The following PGAP6 variants were observed in gnomAD, a reference collection of about 807,000 sequenced individuals.
The protein encoded by PGAP6 is post-GPI attachment to proteins 6.
A neutral mutation model predicts 68.4 loss-of-function variants in PGAP6; 62 were observed. That is an observed-to-expected ratio of 0.91 (90% CI 0.74 to 1.12). The LOEUF (loss-of-function observed/expected upper bound fraction) is 1.12. Among genes scored for constraint, PGAP6 ranks in the 50% most tolerant of loss-of-function variants. The pLI, the probability that PGAP6 is intolerant of heterozygous loss-of-function variation, is 0.00. For missense variants in PGAP6, 1,188 were observed against 1,068.5 expected (o/e 1.11, Z -1.56); for synonymous variants, 575 against 474.0 (o/e 1.21, Z -2.77).
intron 1 of PGAP6, among the ~76,000 whole-genome samples, chr16:378,433 C>G (rs78603900): frequency 0.012 from 233 of 18,666 alleles, 5 homozygotes; most frequent in African/African-American, 0.023. Context: ...CACTGCCATC[C>G]CCACCCGCAC....
rs766826686 is a variant in PGAP6 at position 376,288 on chromosome 16, G to T, written c.1072C>A (p.Arg358=). Residue 358 remains arginine, a synonymous_variant, in exon 6 of 13, where the codon CGG becomes AGG. Transcript: ENST00000431232. Reference sequence around the variant, plus strand: ...ACCGACACCACGTCCATGTCCTCCCGCGTGACTGGGTAGTTTGTGAGGCAG... The same window carrying T: ...ACCGACACCACGTCCATGTCCTCCCTCGTGACTGGGTAGTTTGTGAGGCAG... ...PFCLTNYPVT[R]EDMDVVSVHF... 6.2e-7 allele frequency: 1 copy of T among 1,612,798 alleles called. No individual in the cohort carries two copies. The highest frequency in any genetic ancestry group is 1.7e-5 in the Admixed American group (1 of 60,026).
At position 381,787 on chromosome 16, in the gene PGAP6, G is replaced by C; in HGVS notation, c.35C>G (p.Ala12Gly). The change falls in exon 1 of 13, where the codon GCG (alanine) becomes GGG (glycine). Residue 12 changes from alanine to glycine, a missense_variant. Ala to Gly is a moderately conservative substitution (Grantham distance 60). Transcript: ENST00000431232. ...GRAGTGTGGEAVAAVVAGPLL... is the reference protein window; with the variant it reads ...GRAGTGTGGEGVAAVVAGPLL... ...CGGCCCCGCCACCACCGCGGCCACC[G>C]CCTCGCCCCCGGTCCCGGTGCCAGC... 1 of 1,172,132 alleles carries C rather than the reference G, an allele frequency of 8.5e-7. No homozygotes were observed. The highest frequency in any genetic ancestry group is 1.1e-6 in the Non-Finnish European group (1 of 949,344). 72.6% of individuals were successfully genotyped at this position (1,172,132 alleles called of 1,614,324 possible).
intron 1 of PGAP6, among the ~76,000 whole-genome samples, chr16:380,372 C>CTT (rs35957500): frequency 0.014 from 2,056 of 144,892 alleles, 63 homozygotes; most frequent in African/African-American, 0.046. Flanking sequence ...TTCTGTCTTT[C>CTT]TTTTTTTTTT....
In PGAP6 at chr16:378,207, G is replaced by GCC. The variant is rs1567325676; in HGVS notation, c.122-360_122-359insGG. On this transcript the variant is annotated intron_variant, in intron 1 of 12. Coordinates refer to ENST00000431232, the MANE Select transcript of PGAP6 (RefSeq NM_021259.3). ...CCACCCGCACTGCCATCGCCACCCTGACTGCCATCGCCACCCTGACTGCCA... is the reference window on the plus strand; with the variant it reads ...CCACCCGCACTGCCATCGCCACCCTGCCACTGCCATCGCCACCCTGACTGCCA... Among the ~76,000 whole-genome samples the GCC allele has an allele frequency of 1.3e-4, 7 of 53,888 alleles. 1 individual carries two copies. Among genetic ancestry groups the GCC allele is most frequent in the African/African-American group, 4.8e-4 (7 of 14,442 alleles). 35.4% of individuals were successfully genotyped at this position (53,888 alleles called of 152,430 possible).
chr16:377,516 T>A lies in PGAP6; in HGVS notation c.369A>T (p.Val123=). Reference sequence around the variant, plus strand: ...GCACCCCGACCTGGAAGGAGGGCTGTACCGCGGTGTCGTCCGGGAAGCTGG... The same window carrying A: ...GCACCCCGACCTGGAAGGAGGGCTGAACCGCGGTGTCGTCCGGGAAGCTGG... ...LGTSFPDDTA[V]QPSFQVGVPL... is the part of the protein sequence containing the mutation. Residue 123 remains valine (V), a synonymous_variant, in exon 3 of 13, where the codon GTA becomes GTT. Transcript: ENST00000431232. 6.3e-7 allele frequency: 1 copy of A among 1,597,436 alleles called. No individual in the cohort carries two copies. The highest frequency in any genetic ancestry group is 8.5e-7 in the Non-Finnish European group (1 of 1,172,576).
chr16:376,332 C>T lies in PGAP6; in HGVS notation c.1028G>A (p.Arg343Lys), dbSNP rs765642263. The T allele has an allele frequency of 5.0e-6, 8 of 1,612,712 alleles. No homozygotes were observed. Among genetic ancestry groups the T allele is most frequent in the Non-Finnish European group, 5.9e-6 (7 of 1,179,968 alleles). ...PDHQDLGRSG[R>K]VDRSPFCLTN... The stretch of plus-strand genomic sequence containing the variant: ...GAGGCAGAAGGGGCTGCGGTCCACC[C>T]TGCCACTCCTGCCCAGGTCCTGGTG... Residue 343 changes from arginine (R) to lysine (K), a missense_variant, in exon 6 of 13, where the codon AGG (arginine) becomes AAG (lysine). Transcript: ENST00000431232.
intron 1 of PGAP6, among the ~76,000 whole-genome samples, chr16:380,698 G>A (rs901815192): frequency 6.6e-5 from 10 of 152,140 alleles, no homozygotes; most frequent in Non-Finnish European, 4.4e-5. Flanking sequence ...CGGTCCTCGG[G>A]GAAAACTGCC....
intron 1 of PGAP6, among the ~76,000 whole-genome samples, chr16:379,533 C>A (rs994724885): frequency 2.6e-5 from 4 of 152,220 alleles, no homozygotes; most frequent in Non-Finnish European, 5.9e-5. Flanking sequence ...CAGGACAGCC[C>A]CCCAGGACCA....
rs915212980 is a variant in PGAP6, at chr16:377,660, C to T, written c.299+11G>A. The T allele has an allele frequency of 1.3e-6, 2 of 1,574,304 alleles. No homozygotes were observed. The highest frequency in any genetic ancestry group is 1.7e-6 in the Non-Finnish European group (2 of 1,160,822). On this transcript the variant is annotated intron_variant, in intron 2 of 12. Coordinates refer to ENST00000431232, the MANE Select transcript of PGAP6 (RefSeq NM_021259.3). ...GCGGGAGGGTGGGCAGGCGGGCGGGCAGCCACCTACACGGTGATCTCCGCG... is the reference window on the plus strand; with the variant it reads ...GCGGGAGGGTGGGCAGGCGGGCGGGTAGCCACCTACACGGTGATCTCCGCG...
At position 376,890 on chromosome 16, in the gene PGAP6, T is replaced by A; in HGVS notation, c.636-78A>T. Reference sequence around the variant, plus strand: ...ACGCAGCGTGCCCAGGCTCTGCTGTTCCTCAGCCCACTCTGGTGGGGGCCA... The same window carrying A: ...ACGCAGCGTGCCCAGGCTCTGCTGTACCTCAGCCCACTCTGGTGGGGGCCA... On this transcript the variant is annotated intron_variant, in intron 4 of 12. Transcript: ENST00000431232. The A allele has an allele frequency of 3.2e-6, 5 of 1,571,826 alleles. No homozygotes were observed. In the South Asian group the frequency reaches 3.4e-5, roughly 11 times the overall value.
Position 376,771 on chromosome 16 carries a change from A to C in PGAP6, c.677T>G (p.Leu226Arg), listed in dbSNP as rs1555491405. The change falls in exon 5 of 13, where the codon CTG becomes CGG. Residue 226 changes from leucine (L) to arginine (R), a missense_variant. Leu to Arg is a moderately radical substitution (Grantham distance 102). Transcript: ENST00000431232. ...GCTCCCATTGGACACGCAGTCCCGCAGCTCCAGCAGAAGCTCCCGCGTGTA... is the reference window on the plus strand; with the variant it reads ...GCTCCCATTGGACACGCAGTCCCGCCGCTCCAGCAGAAGCTCCCGCGTGTA... ...PDYTRELLLE[L>R]RDCVSNGSLG... 6.2e-7 allele frequency: 1 copy of C among 1,610,454 alleles called. No homozygotes were observed. The highest frequency in any genetic ancestry group is 8.5e-7 in the Non-Finnish European group (1 of 1,179,922).
rs1364383626 is a variant in PGAP6 at position 381,722 on chromosome 16, C to T, written c.100G>A (p.Ala34Thr). 2 of 1,210,782 alleles carry T rather than the reference C, an allele frequency of 1.7e-6. No individual in the cohort carries two copies. The highest frequency in any genetic ancestry group is 1.0e-6 in the Non-Finnish European group (1 of 973,540). 75.0% of individuals were successfully genotyped at this position (1,210,782 alleles called of 1,614,324 possible). A position where few individuals can be genotyped will look rare whatever the true frequency, so the allele number is the denominator to read the frequency against. ...LLLARPPPAS[A>T]GYSGKSEVGL... is the part of the protein sequence containing the mutation. ...TCACCGCTCTTCCCGCTGTAGCCGGCGGAGGCAGGCGGGGGCCGGGCAAGC... is the reference window on the plus strand; with the variant it reads ...TCACCGCTCTTCCCGCTGTAGCCGGTGGAGGCAGGCGGGGGCCGGGCAAGC... Residue 34 changes from alanine to threonine, a missense_variant, in exon 1 of 13, where the codon GCC becomes ACC. Physicochemically the swap from Ala to Thr is moderately conservative, Grantham distance 58 (BLOSUM62 0). Coordinates refer to ENST00000431232, the MANE Select transcript of PGAP6 (RefSeq NM_021259.3).
At chr16:373,922 T>C in intron 11 of PGAP6, 83 bp downstream of exon 11, 2 of 1,460,164 alleles carry the variant, frequency 1.4e-6, no homozygotes, top group Non-Finnish European at 1.8e-6. Context: ...AGGTCCGGCC[T>C]CTCCCACGGT....
At chr16:381,400 C>CGCCGAGT (rs1567326965) in intron 1 of PGAP6, among the ~76,000 whole-genome samples, 3,069 of 152,246 alleles carry the variant, frequency 0.02, 119 homozygotes, top group African/African-American at 0.069. Flanking sequence ...TCCACTTCCC[C>CGCCGAGT]GCGCCGGGCG....
intron 11 of PGAP6, among the ~76,000 whole-genome samples, chr16:373,431 G>A (rs558465905): frequency 1.3e-5 from 2 of 152,274 alleles, no homozygotes; most frequent in South Asian, 4.1e-4. Context: ...GAAGGCAGGG[G>A]GCCTGGCCTC....
At chr16:375,958 G>A (rs532450464) in intron 6 of PGAP6, among the ~76,000 whole-genome samples, 178 bp downstream of exon 6, 75 of 152,268 alleles carry the variant, frequency 4.9e-4, no homozygotes, top group Middle Eastern at 3.4e-3. Flanking sequence ...GGGGCCTGTT[G>A]ACAGGAACAA....
upstream of PGAP6, chr16:386,711 CAAAA>C: frequency 5.0e-6 from 1 of 198,208 alleles, no homozygotes; most frequent in Non-Finnish European, 9.2e-6. Flanking sequence ...CCAGTCTCTA[CAAAA>C]AAAAAAAAAC....
At chr16:377,015 T>G in intron 4 of PGAP6, 22 bp downstream of exon 4, 2 of 1,611,848 alleles carry the variant, frequency 1.2e-6, no homozygotes, top group Non-Finnish European at 1.7e-6. Flanking sequence ...AGAGCCGGGC[T>G]GCCCCCCAGG....
rs1475116676 is a variant in PGAP6, at chr16:376,297, G to C, written c.1063C>G (p.Pro355Ala). 2 of 1,612,602 alleles carry C rather than the reference G, an allele frequency of 1.2e-6. No individual in the cohort carries two copies. Among genetic ancestry groups the C allele is most frequent in the African/African-American group, 2.7e-5 (2 of 74,884 alleles). ...DRSPFCLTNY[P>A]VTREDMDVVS... is the part of the protein sequence containing the mutation. ...ACGTCCATGTCCTCCCGCGTGACTG[G>C]GTAGTTTGTGAGGCAGAAGGGGCTG... is the stretch of plus-strand genomic sequence containing the variant. The change falls in exon 6 of 13, where the codon CCA becomes GCA. Residue 355 changes from proline (P) to alanine (A), a missense_variant. Pro to Ala is a conservative substitution (Grantham distance 27). Transcript: ENST00000431232.
Sources: gnomAD v4.1 joint callset for allele counts (sites outside exome capture counted in the v4.1 genomes callset) on GRCh38, gnomAD v4.1.1 for gene constraint, MANE v1.5 for transcripts, NCBI Gene and HGNC (gene_info 2026-07-23, HGNC 2026-07-21) for gene names.